The following GPC5 variants were observed in gnomAD, a reference collection of about 807,000 sequenced individuals.
The protein encoded by GPC5 is glypican 5, also known as glypican-5.
Under a neutral mutation model 53.9 loss-of-function variants are expected in GPC5, and 47 were observed. The observed-to-expected ratio is 0.87, with a 90% CI of 0.69 to 1.11. The LOEUF (loss-of-function observed/expected upper bound fraction) is 1.11, where lower values mean the gene tolerates loss of function less well. Ranked by LOEUF, GPC5 falls within the 50% of genes most tolerant of loss-of-function variation. The pLI is 0.00. For missense variants in GPC5, 748 were observed against 713.1 expected (o/e 1.05, Z -0.56); for synonymous variants, 286 against 263.3 (o/e 1.09, Z -0.84).
chr13:92,827,164 A>G (rs1264241315), intron 7 of GPC5, among the ~76,000 whole-genome samples: 13 of 152,162 alleles, frequency 8.5e-5, no homozygotes, highest in Admixed American at 8.5e-4. Flanking sequence ...GAAAGGAGAC[A>G]GGAGACAGAT....
chr13:92,593,539 T>G (rs1883778961), intron 7 of GPC5, among the ~76,000 whole-genome samples: 1 of 151,034 alleles, frequency 6.6e-6, no homozygotes, highest in Non-Finnish European at 1.5e-5. Flanking sequence ...GCTAGAAGGA[T>G]AAATACGGGA....
intron 7 of GPC5, among the ~76,000 whole-genome samples, chr13:92,310,691 T>C (rs936230847): frequency 1.2e-4 from 19 of 152,188 alleles, no homozygotes. Context: ...TTATTTTCTC[T>C]CATTTTCTAT....
intron 6 of GPC5, among the ~76,000 whole-genome samples, chr13:92,127,092 G>T (rs2041704354): frequency 1.3e-5 from 2 of 151,962 alleles, no homozygotes; most frequent in African/African-American, 2.4e-5. Context: ...GATTGAGAAA[G>T]AATTATAATG....
intron 4 of GPC5, among the ~76,000 whole-genome samples, chr13:91,734,795 C>G (rs2036778679): frequency 6.6e-6 from 1 of 151,196 alleles, no homozygotes; most frequent in Admixed American, 6.6e-5. Flanking sequence ...AAATTCACAT[C>G]CCATTCTTGT....
At chr13:92,756,266 G>T (rs1874865056) in intron 7 of GPC5, among the ~76,000 whole-genome samples, 1 of 151,970 alleles carries the variant, frequency 6.6e-6, no homozygotes, top group African/African-American at 2.4e-5. Context: ...AAAGGCCTTT[G>T]ACAAAATTCA....
intron 5 of GPC5, among the ~76,000 whole-genome samples, chr13:91,819,649 T>C (rs1212578682): frequency 2.6e-5 from 4 of 152,246 alleles, no homozygotes; most frequent in Non-Finnish European, 5.9e-5. Flanking sequence ...TGAGCTATTC[T>C]ATTGCTGATG....
intron 7 of GPC5, among the ~76,000 whole-genome samples, chr13:92,455,960 G>A (rs910050181): frequency 6.6e-6 from 1 of 152,060 alleles, no homozygotes; most frequent in Non-Finnish European, 1.5e-5. Context: ...TTGAACTGCC[G>A]ATTTGTTTCA....
At chr13:91,467,317 G>T (rs1056790794) in intron 2 of GPC5, among the ~76,000 whole-genome samples, 3 of 152,124 alleles carry the variant, frequency 2.0e-5, no homozygotes, top group Non-Finnish European at 4.4e-5. Flanking sequence ...AGGGAGAAAG[G>T]GTCTGGAGAG....
intron 6 of GPC5, among the ~76,000 whole-genome samples, chr13:91,925,795 T>C (rs1394400962): frequency 2.0e-5 from 3 of 152,178 alleles, no homozygotes; most frequent in African/African-American, 7.2e-5. Flanking sequence ...TTTCATAGTT[T>C]ATAGTGATAT....
intron 6 of GPC5, among the ~76,000 whole-genome samples, chr13:92,034,166 G>T (rs2040875138): frequency 6.6e-6 from 1 of 151,986 alleles, no homozygotes; most frequent in South Asian, 2.1e-4. Flanking sequence ...AATTTAATAT[G>T]GCAAACTAAA....
At chr13:92,231,692 G>T (rs182698436) in intron 7 of GPC5, among the ~76,000 whole-genome samples, 176 of 152,190 alleles carry the variant, frequency 1.2e-3, no homozygotes, top group Non-Finnish European at 2.2e-3. Flanking sequence ...TGACAGCCAG[G>T]CAAGGTGGCT....
chr13:91,434,036 T>G (rs996016317), intron 1 of GPC5, among the ~76,000 whole-genome samples: 38 of 152,212 alleles, frequency 2.5e-4, no homozygotes, highest in African/African-American at 8.9e-4. Context: ...TTGCCCACTT[T>G]TTGATGGGGT....
chr13:91,583,705 G>A (rs564904092), intron 2 of GPC5, among the ~76,000 whole-genome samples: 14 of 152,008 alleles, frequency 9.2e-5, no homozygotes, highest in Non-Finnish European at 2.1e-4. Flanking sequence ...TGAAGAAAGA[G>A]GCAGGAGGAC....
At chr13:92,092,232 T>C (rs1435657788) in intron 6 of GPC5, among the ~76,000 whole-genome samples, 1 of 152,230 alleles carries the variant, frequency 6.6e-6, no homozygotes, top group African/African-American at 2.4e-5. Context: ...GCTCTCTGCA[T>C]GCCTCTCAGG....
intron 7 of GPC5, among the ~76,000 whole-genome samples, chr13:92,492,721 AG>A (rs1259180587): frequency 6.6e-6 from 1 of 152,182 alleles, no homozygotes; most frequent in Non-Finnish European, 1.5e-5. Context: ...TAGGAAAGCC[AG>A]GTGAATAAAA....
chr13:92,487,955 T>A (rs1879619014), intron 7 of GPC5, among the ~76,000 whole-genome samples: 1 of 151,876 alleles, frequency 6.6e-6, no homozygotes, highest in Non-Finnish European at 1.5e-5. Context: ...TGAAGGGAAT[T>A]GTGAGGATGG....
intron 7 of GPC5, among the ~76,000 whole-genome samples, chr13:92,381,501 T>C (rs2043738594): frequency 6.6e-6 from 1 of 152,012 alleles, no homozygotes; most frequent in Admixed American, 6.5e-5. Flanking sequence ...CAAAAAACAG[T>C]AGTTGTTGGT....
chr13:91,806,261 C>T (rs934331399), intron 5 of GPC5, among the ~76,000 whole-genome samples: 7 of 151,594 alleles, frequency 4.6e-5, no homozygotes, highest in African/African-American at 1.5e-4. Context: ...GTCTTGTACT[C>T]GTGAGCTAGA....
At chr13:92,734,949 G>A (rs1055619677) in intron 7 of GPC5, among the ~76,000 whole-genome samples, 4 of 151,708 alleles carry the variant, frequency 2.6e-5, no homozygotes, top group Non-Finnish European at 5.9e-5. Context: ...TAAAAAGATA[G>A]GTTATTTTAT....
Sources: gnomAD v4.1 joint callset for allele counts (sites outside exome capture counted in the v4.1 genomes callset) on GRCh38, gnomAD v4.1.1 for gene constraint, MANE v1.5 for transcripts, NCBI Gene and HGNC (gene_info 2026-07-23, HGNC 2026-07-21) for gene names.